The following PCCA variants were observed in gnomAD, a reference collection of about 807,000 sequenced individuals.
PCCA encodes propionyl-CoA carboxylase alpha chain, mitochondrial.
In PCCA, 74 loss-of-function variants were observed where a neutral mutation model predicts 101.3. The observed-to-expected ratio is 0.73, with a 90% CI of 0.61 to 0.89. The LOEUF (loss-of-function observed/expected upper bound fraction) is 0.89. PCCA is among the 40% of genes least tolerant of loss of function. The pLI is 0.00. For missense variants in PCCA, 891 were observed against 907.0 expected, an observed-to-expected ratio of 0.98 and a Z score of 0.23; for synonymous variants, 294 against 313.6, an observed-to-expected ratio of 0.94 and a Z score of 0.66.
chr13:100,203,010 C>T lies in PCCA; in HGVS notation c.469-6322C>T, dbSNP rs1332207037. 2.0e-5 allele frequency among the ~76,000 whole-genome samples: 3 copies of T among 152,156 alleles called. No individual in the cohort carries two copies. In the South Asian group the frequency reaches 6.2e-4, roughly 32 times the overall value. ...ATGATAGGCCAGGTGCGGTGGCTCA[C>T]GCTTGTAATCCCAGCACTTTGGGAG... is the stretch of plus-strand genomic sequence containing the variant. On this transcript the variant is annotated intron_variant, in intron 6 of 23. Coordinates refer to ENST00000376285, the MANE Select transcript of PCCA (RefSeq NM_000282.4).
In PCCA at chr13:100,515,518, C is replaced by A. The variant is rs749371263; in HGVS notation, c.1991C>A (p.Ser664Tyr). The A allele has an allele frequency of 6.2e-7, 1 of 1,614,108 alleles. No homozygotes were observed. Among genetic ancestry groups the A allele is most frequent in the Non-Finnish European group, 8.5e-7 (1 of 1,179,996 alleles). Residue 664 changes from serine (S) to tyrosine (Y), a missense_variant, in exon 22 of 24, where the codon TCC (serine) becomes TAC (tyrosine). Physicochemically the swap from Ser to Tyr is moderately radical, Grantham distance 144 (BLOSUM62 -2). Transcript: ENST00000376285. ...VTEDTSSVLR[S>Y]PMPGVVVAVS... ...GAGGACACAAGCAGTGTTCTGCGTT[C>A]CCCGATGCCCGGAGTGGTGGTGGCC...
chr13:100,369,643 GATTCACT>G (rs907481905), intron 19 of PCCA, among the ~76,000 whole-genome samples: 5 of 152,104 alleles, frequency 3.3e-5, no homozygotes, highest in Non-Finnish European at 7.4e-5. Context: ...TAAATGTTGT[GATTCACT>G]GTATACGCCA....
At chr13:100,188,042 G>A (rs190219790) in intron 6 of PCCA, among the ~76,000 whole-genome samples, 5 of 152,010 alleles carry the variant, frequency 3.3e-5, no homozygotes, top group African/African-American at 9.7e-5. Context: ...TAGAATAATG[G>A]TCTCCACTTT....
At chr13:100,360,041 A>G (rs893769636) in intron 18 of PCCA, among the ~76,000 whole-genome samples, 2 of 152,216 alleles carry the variant, frequency 1.3e-5, no homozygotes, top group Non-Finnish European at 2.9e-5. Flanking sequence ...GACAGTTTAC[A>G]AAAGAAAGAG....
chr13:100,188,042 G>T (rs190219790), intron 6 of PCCA, among the ~76,000 whole-genome samples: 1 of 152,010 alleles, frequency 6.6e-6, no homozygotes, highest in African/African-American at 2.4e-5. Context: ...TAGAATAATG[G>T]TCTCCACTTT....
chr13:100,221,831 G>A (rs761885997), intron 7 of PCCA, among the ~76,000 whole-genome samples: 42 of 141,384 alleles, frequency 3.0e-4, no homozygotes, highest in South Asian at 1.1e-3. Flanking sequence ...TCTGCATCCC[G>A]GGTTCAAGCA....
chr13:100,516,760 T>TGTGTAA lies in PCCA; in HGVS notation c.2040+1193_2040+1194insGTGTAA, dbSNP rs1555328031. 3.4e-5 allele frequency among the ~76,000 whole-genome samples: 5 copies of TGTGTAA among 147,040 alleles called. No homozygotes were observed. In the South Asian group the frequency reaches 1.1e-3, roughly 33 times the overall value. On this transcript the variant is annotated intron_variant, in intron 22 of 23. Coordinates refer to ENST00000376285, the MANE Select transcript of PCCA (RefSeq NM_000282.4). ...ACGTGTGTGTGTGTGTGTGTGTGTG[T>TGTGTAA]AATGTGTGTAAAATTCAGGGGAGGA...
chr13:100,422,119 TTTTC>T (rs1237121901), intron 19 of PCCA, among the ~76,000 whole-genome samples: 6 of 82,154 alleles, frequency 7.3e-5, no homozygotes, highest in Non-Finnish European at 1.4e-4. Flanking sequence ...TCTTTCTTTC[TTTTC>T]TTTCTTTCTT....
chr13:100,429,461 TTAAAG>T (rs1191616032), intron 20 of PCCA, among the ~76,000 whole-genome samples: 13 of 152,082 alleles, frequency 8.5e-5, no homozygotes, highest in Non-Finnish European at 1.8e-4. Flanking sequence ...TGTAGGTACT[TTAAAG>T]TAATAACTAC....
At chr13:100,529,838 C>T (rs1475580456) in intron 23 of PCCA, among the ~76,000 whole-genome samples, 1 of 152,134 alleles carries the variant, frequency 6.6e-6, no homozygotes, top group South Asian at 2.1e-4. Context: ...CGGAGAGTAG[C>T]CCTCAGGCCA....
chr13:100,209,559 T>TACAC (rs34598548), intron 7 of PCCA, 96 bp downstream of exon 7: 505 of 798,938 alleles, frequency 6.3e-4, no homozygotes, highest in East Asian at 1.5e-3. Context: ...TTTTGGGATA[T>TACAC]ACACACACAC....
chr13:100,100,822 T>A (rs901598107), intron 1 of PCCA, among the ~76,000 whole-genome samples: 19 of 151,996 alleles, frequency 1.3e-4, no homozygotes, highest in Non-Finnish European at 1.0e-4. Flanking sequence ...TGTTTCGCTC[T>A]TTTTGCCCAG....
intron 22 of PCCA, among the ~76,000 whole-genome samples, chr13:100,526,687 C>A (rs575910435): frequency 2.6e-5 from 4 of 152,380 alleles, no homozygotes; most frequent in African/African-American, 9.6e-5. Context: ...TTGCCCGTTT[C>A]AAAGACTGGG....
At chr13:100,504,049 A>G (rs1433161980) in intron 21 of PCCA, among the ~76,000 whole-genome samples, 3 of 152,224 alleles carry the variant, frequency 2.0e-5, no homozygotes, top group Admixed American at 6.5e-5. Flanking sequence ...ATTAGATGTG[A>G]GAGGGTGGAT....
rs1044858767 is a variant in PCCA at position 100,340,140 on chromosome 13, T to C, written c.1541-17T>C. On this transcript the variant is annotated splice_polypyrimidine_tract_variant and intron_variant, in intron 17 of 23. Coordinates refer to ENST00000376285, the MANE Select transcript of PCCA (RefSeq NM_000282.4). ...ATAAATGATTGATTGATTGATTGGT[T>C]GATTGATTTCCCTCAGGACACATGC... 1 of 1,255,384 alleles carries C rather than the reference T, an allele frequency of 8.0e-7. No individual in the cohort carries two copies. 77.8% of individuals were successfully genotyped at this position (1,255,384 alleles called of 1,614,324 possible).
rs2066048848 is a variant in PCCA, at chr13:100,301,457, C to T, written c.1066-3C>T. On this transcript the variant is annotated splice_region_variant and splice_polypyrimidine_tract_variant and intron_variant, in intron 12 of 23. Coordinates refer to ENST00000376285, the MANE Select transcript of PCCA (RefSeq NM_000282.4). The stretch of plus-strand genomic sequence containing the variant: ...TACTGACTGGCAGACCTTGGCCTTG[C>T]AGGTTGAGCATCCTGTCACAGAATG... The T allele has an allele frequency of 6.2e-7, 1 of 1,614,002 alleles. No homozygotes were observed. Among genetic ancestry groups the T allele is most frequent in the Non-Finnish European group, 8.5e-7 (1 of 1,179,888 alleles).
intron 17 of PCCA, among the ~76,000 whole-genome samples, chr13:100,331,668 TAAAAC>T (rs540328232): frequency 4.5e-4 from 69 of 152,292 alleles, no homozygotes; most frequent in African/African-American, 1.5e-3. Context: ...GTTGGGATCT[TAAAAC>T]AAAAACTAAT....
At chr13:100,396,350 T>G (rs2077044215) in intron 19 of PCCA, among the ~76,000 whole-genome samples, 1 of 152,222 alleles carries the variant, frequency 6.6e-6, no homozygotes, top group Non-Finnish European at 1.5e-5. Flanking sequence ...TCTCCAGGGT[T>G]TTTGTAAAAA....
At chr13:100,365,671 A>G (rs9554681) in intron 18 of PCCA, among the ~76,000 whole-genome samples, 111,133 of 152,130 alleles carry the variant, frequency 0.73, 40,995 homozygotes, top group Middle Eastern at 0.81. Context: ...ATGAGATGAG[A>G]ATCCAAAGTT....
Sources: gnomAD v4.1 joint callset for allele counts (sites outside exome capture counted in the v4.1 genomes callset) on GRCh38, gnomAD v4.1.1 for gene constraint, MANE v1.5 for transcripts, NCBI Gene and HGNC (gene_info 2026-07-23, HGNC 2026-07-21) for gene names.